FNDC1: variants seen among roughly 807,000 people sequenced by gnomAD.
FNDC1 encodes fibronectin type III domain-containing protein 1.
A neutral mutation model predicts 168.0 loss-of-function variants in FNDC1; 96 were observed. That is an observed-to-expected ratio of 0.57 (90% CI 0.48 to 0.68). The LOEUF (loss-of-function observed/expected upper bound fraction) is 0.68, where lower values mean the gene tolerates loss of function less well. Among genes scored for constraint, FNDC1 ranks in the 30% least tolerant of loss-of-function variants. FNDC1 has a pLI of 0.00. For missense variants in FNDC1, 2,587 were observed against 2,482.1 expected, an observed-to-expected ratio of 1.04 and a Z score of -0.90; for synonymous variants, 1,099 against 1,025.9, an observed-to-expected ratio of 1.07 and a Z score of -1.36.
intron 1 of FNDC1, among the ~76,000 whole-genome samples, chr6:159,189,547 G>A (rs745332240): frequency 4.6e-5 from 7 of 152,164 alleles, no homozygotes; most frequent in Admixed American, 1.3e-4. Flanking sequence ...CAAGCAGGAC[G>A]CTTTGGATTC....
chr6:159,214,911 T>A lies in FNDC1; in HGVS notation c.461-34T>A, dbSNP rs400477. On this transcript the variant is annotated intron_variant, in intron 4 of 22. Coordinates refer to ENST00000297267, the MANE Select transcript of FNDC1 (RefSeq NM_032532.3). The stretch of plus-strand genomic sequence containing the variant: ...TGATGGCAAACTCTAAGTGGTCTAC[T>A]GTCTAACCACTTTTGTGTCCTGCCC... 6 of 1,602,318 alleles carry A rather than the reference T, an allele frequency of 3.7e-6. No homozygotes were observed. The African/African-American group carries it at 8.0e-5, about 21-fold the overall frequency.
At chr6:159,241,449 A>G (rs1783418578) in intron 14 of FNDC1, among the ~76,000 whole-genome samples, 1 of 151,752 alleles carries the variant, frequency 6.6e-6, no homozygotes, top group East Asian at 1.9e-4. Context: ...TTTGCCTCTT[A>G]TTTTCTTTGC....
intron 18 of FNDC1, 118 bp from the exon 19 acceptor site, chr6:159,261,070 TTG>T: frequency 1.4e-6 from 1 of 697,374 alleles, no homozygotes; most frequent in Non-Finnish European, 2.5e-6. Context: ...CTGTATGCAT[TTG>T]TAAAAAGTAG....
intron 1 of FNDC1, among the ~76,000 whole-genome samples, chr6:159,185,152 A>AGG (rs1781969510): frequency 2.0e-5 from 3 of 151,684 alleles, no homozygotes; most frequent in Non-Finnish European, 4.4e-5. Flanking sequence ...GAACTTTAAA[A>AGG]CCTCAAATCC....
Position 159,249,103 on chromosome 6 carries a change from G to C in FNDC1, c.4755G>C (p.Pro1585=). 1 of 1,608,608 alleles carries C rather than the reference G, an allele frequency of 6.2e-7. No homozygotes were observed. Among genetic ancestry groups the C allele is most frequent in the Non-Finnish European group, 8.5e-7 (1 of 1,177,392 alleles). The stretch of plus-strand genomic sequence containing the variant: ...AGCCTTCGACCACTGCTACCACACC[G>C]AGGGTGATCCCAGAGGAAGGCGCCA... The part of the protein sequence containing the change: ...TTEPSTTATT[P]RVIPEEGAIS... Residue 1585 remains proline (P), a synonymous_variant, in exon 16 of 23, where the codon CCG becomes CCC. Transcript: ENST00000297267.
At chr6:159,264,931 G>A in intron 19 of FNDC1, 44 bp from the exon 20 acceptor site, 2 of 1,534,506 alleles carry the variant, frequency 1.3e-6, no homozygotes, top group Non-Finnish European at 1.8e-6. Context: ...TTGCATGATT[G>A]TGAAATATGG....
At chr6:159,192,307 GACCAAAAGCAAC>G (rs1782158209) in intron 1 of FNDC1, among the ~76,000 whole-genome samples, 1 of 152,070 alleles carries the variant, frequency 6.6e-6, no homozygotes, top group Non-Finnish European at 1.5e-5. Flanking sequence ...ACAAAACCAA[GACCAAAAGCAAC>G]ACTTTTAATC....
At chr6:159,240,036 G>A in intron 14 of FNDC1, 79 bp downstream of exon 14, 1 of 1,350,824 alleles carries the variant, frequency 7.4e-7, no homozygotes, top group African/African-American at 1.5e-5. Context: ...GGCAGAGCCT[G>A]CAGGGGAGGT....
At chr6:159,211,567 A>AT (rs1001422522) in intron 4 of FNDC1, among the ~76,000 whole-genome samples, 26 of 147,220 alleles carry the variant, frequency 1.8e-4, no homozygotes, top group South Asian at 8.6e-4. Context: ...TCTTTGAAAC[A>AT]TTTTTTTTTT....
chr6:159,230,711 T>G (rs1783063877), intron 10 of FNDC1, among the ~76,000 whole-genome samples: 1 of 152,210 alleles, frequency 6.6e-6, no homozygotes, highest in East Asian at 1.9e-4. Flanking sequence ...CTTTTCTACT[T>G]CCTCACATTT....
rs778069467 is a variant in FNDC1, at chr6:159,239,673, C to T, written c.4337C>T (p.Pro1446Leu). 3.2e-6 allele frequency: 5 copies of T among 1,551,580 alleles called. No individual in the cohort carries two copies. The highest frequency in any genetic ancestry group is 2.4e-5 in the South Asian group (2 of 84,046). The change falls in exon 14 of 23, where the codon CCC becomes CTC. Residue 1446 changes from proline (P) to leucine (L), a missense_variant. Pro to Leu is a moderately conservative substitution (Grantham distance 98). Coordinates refer to ENST00000297267, the MANE Select transcript of FNDC1 (RefSeq NM_032532.3). The part of the protein sequence containing the change: ...GLEVIKKTTH[P>L]PTTTMQPTTT... Reference sequence around the variant, plus strand: ...GAGGTCATCAAAAAAACCACCCATCCCCCTACCACTACCATGCAGCCCACC... The same window carrying T: ...GAGGTCATCAAAAAAACCACCCATCTCCCTACCACTACCATGCAGCCCACC...
At chr6:159,217,889 C>G (rs1230605894) in intron 5 of FNDC1, among the ~76,000 whole-genome samples, 1 of 152,194 alleles carries the variant, frequency 6.6e-6, no homozygotes, top group Non-Finnish European at 1.5e-5. Context: ...GAATTAGCAG[C>G]AAGACCTTGA....
chr6:159,198,046 A>G (rs1051930882), intron 2 of FNDC1, among the ~76,000 whole-genome samples: 3 of 152,226 alleles, frequency 2.0e-5, no homozygotes, highest in Non-Finnish European at 4.4e-5. Context: ...GGAATACGTT[A>G]TGCCTAGCCA....
At chr6:159,267,138 T>C (rs1258261766) in intron 21 of FNDC1, among the ~76,000 whole-genome samples, 4 of 152,220 alleles carry the variant, frequency 2.6e-5, no homozygotes, top group Admixed American at 2.6e-4. Context: ...ATTTAAAAAC[T>C]ATCAAAACAA....
At chr6:159,176,091 C>T (rs756333595) in intron 1 of FNDC1, among the ~76,000 whole-genome samples, 83 of 152,276 alleles carry the variant, frequency 5.5e-4, no homozygotes, top group Admixed American at 4.0e-3. Context: ...TATGGTGTCA[C>T]GTCCCTTCAT....
intron 1 of FNDC1, among the ~76,000 whole-genome samples, chr6:159,180,956 C>A (rs973575924): frequency 1.1e-4 from 17 of 152,216 alleles, no homozygotes; most frequent in African/African-American, 1.2e-4. Flanking sequence ...GTGCATGTAT[C>A]TTTATAATAG....
At position 159,200,181 on chromosome 6, in the gene FNDC1, A is replaced by C. The variant is rs1782345842; in HGVS notation, c.391+99A>C. ...CAGTAAATATAAATTTAGAGTTATT[A>C]AATAATTTTTGAACAAGAACTTTTT... On this transcript the variant is annotated intron_variant, in intron 3 of 22. Coordinates refer to ENST00000297267, the MANE Select transcript of FNDC1 (RefSeq NM_032532.3). The C allele has an allele frequency of 3.0e-6, 3 of 985,336 alleles. No homozygotes were observed. The African/African-American group carries it at 4.9e-5, about 16-fold the overall frequency. The allele number at this position is 985,336 out of a possible 1,614,324, so 61.0% of individuals were successfully genotyped here. A position where few individuals can be genotyped will look rare whatever the true frequency, so the allele number is the denominator to read the frequency against.
chr6:159,257,361 C>A (rs1777396071), intron 18 of FNDC1, among the ~76,000 whole-genome samples: 1 of 152,182 alleles, frequency 6.6e-6, no homozygotes, highest in Admixed American at 6.5e-5. Context: ...ATAGCATTTG[C>A]CAATTTCTAT....
At position 159,233,282 on chromosome 6, in the gene FNDC1, C is replaced by A. The variant is rs751930512; in HGVS notation, c.2770C>A (p.Pro924Thr). 6.2e-7 allele frequency: 1 copy of A among 1,613,954 alleles called. No individual in the cohort carries two copies. Among genetic ancestry groups the A allele is most frequent in the Admixed American group, 1.7e-5 (1 of 60,026 alleles). Reference protein sequence around the residue: ...QRGASLHRKEPIPENPKSTGA... With the variant: ...QRGASLHRKETIPENPKSTGA... ...AGGGGCCAGCCTGCATCGGAAGGAA[C>A]CCATCCCAGAGAACCCCAAATCCAC... The change falls in exon 11 of 23, where the codon CCC becomes ACC. Residue 924 changes from proline (P) to threonine (T), a missense_variant. Transcript: ENST00000297267. This position sits in a 1 kb window ranked among gnomAD's most constrained non-coding sequence, Gnocchi z 4.6.
Sources: allele counts gnomAD v4.1 joint callset (sites outside exome capture counted in the v4.1 genomes callset), GRCh38; gene constraint gnomAD v4.1.1; non-coding constraint Gnocchi (gnomAD v3.1); transcripts MANE v1.5; gene names NCBI Gene and HGNC (gene_info 2026-07-23, HGNC 2026-07-21).